PTPN2: variants seen among roughly 807,000 people sequenced by gnomAD.
PTPN2 encodes tyrosine-protein phosphatase non-receptor type 2.
In PTPN2, 19 loss-of-function variants were observed where a neutral mutation model predicts 57.3. The ratio of observed to expected loss-of-function variants is 0.33; its 90% CI spans 0.23 to 0.49. The LOEUF (loss-of-function observed/expected upper bound fraction) is 0.49. PTPN2 is among the 20% of genes least tolerant of loss of function. PTPN2 has a pLI of 0.99. For synonymous variants in PTPN2, 153 were observed against 164.9 expected (o/e 0.93, Z 0.55); for missense variants, 358 against 501.1 (o/e 0.71, Z 2.73).
intron 2 of PTPN2, among the ~76,000 whole-genome samples, chr18:12,846,038 T>C (rs569203376): frequency 6.6e-6 from 1 of 152,350 alleles, no homozygotes; most frequent in South Asian, 2.1e-4. Flanking sequence ...TGTTTTATAG[T>C]GTTCCTCCAT....
At chr18:12,785,828 T>C (rs139640261) in exon 10 of PTPN2, 179 of 1,610,524 alleles carry the variant, frequency 1.1e-4, no homozygotes, top group Non-Finnish European at 1.5e-4. Context: ...GAATATTAGG[T>C]GTCTGTCAAT....
chr18:12,845,167 G>A (rs1406175734), intron 2 of PTPN2, among the ~76,000 whole-genome samples: 1 of 151,998 alleles, frequency 6.6e-6, no homozygotes, highest in Non-Finnish European at 1.5e-5. Flanking sequence ...AAAAGAATAA[G>A]CTTGTTTTTA....
rs1302230402 is a variant in PTPN2, at chr18:12,884,219, C to G, written c.-78G>C. On this transcript the variant is annotated 5_prime_UTR_variant, in exon 1 of 9. Transcript: ENST00000309660. ...GGCCCCGCACGATCCGGGGAGAGCG[C>G]TGGCGCTGCGGCGCATGCGCGCTGC... 8 of 1,191,268 alleles carry G rather than the reference C, an allele frequency of 6.7e-6. No homozygotes were observed. The East Asian group carries it at 1.6e-4, about 23-fold the overall frequency. The allele number at this position is 1,191,268 out of a possible 1,614,324, so 73.8% of individuals were successfully genotyped here.
intron 7 of PTPN2, among the ~76,000 whole-genome samples, chr18:12,804,476 T>C (rs1224731003): frequency 6.6e-6 from 1 of 151,634 alleles, no homozygotes; most frequent in African/African-American, 2.4e-5. Flanking sequence ...GGATCATTTT[T>C]TTGAAAAGGC....
In PTPN2 at chr18:12,793,370, T is replaced by A. The variant is rs1245528181; in HGVS notation, c.*908A>T. 2 of 978,512 alleles carry A rather than the reference T, an allele frequency of 2.0e-6. No individual in the cohort carries two copies. Among genetic ancestry groups the A allele is most frequent in the Non-Finnish European group, 2.4e-6 (2 of 823,236 alleles). 60.6% of individuals were successfully genotyped at this position (978,512 alleles called of 1,614,324 possible). On this transcript the variant is annotated 3_prime_UTR_variant, in exon 9 of 9. Coordinates refer to ENST00000309660, the MANE Select transcript of PTPN2 (RefSeq NM_002828.4). ...TAAAATGCTGCTTCTTACTTTTGCT[T>A]CCTAAATCATAATCTACCCCAACTA...
intron 9 of PTPN2, chr18:12,786,220 A>C: frequency 3.9e-6 from 1 of 258,698 alleles, no homozygotes; most frequent in South Asian, 5.1e-5. Flanking sequence ...ACTTTATACT[A>C]TGTGCTAGAC....
chr18:12,874,317 C>A (rs866191811), intron 1 of PTPN2, among the ~76,000 whole-genome samples: 1 of 136,314 alleles, frequency 7.3e-6, no homozygotes, highest in Non-Finnish European at 1.6e-5. Context: ...GTCAGCCCCC[C>A]GCTTGGCCAG....
intron 1 of PTPN2, chr18:12,880,459 G>A (rs538078968): frequency 2.0e-5 from 3 of 152,170 alleles, no homozygotes; most frequent in African/African-American, 7.2e-5. Flanking sequence ...CTTCTAAAAA[G>A]AGCAGTGTAC....
intron 8 of PTPN2, among the ~76,000 whole-genome samples, chr18:12,798,063 G>A (rs145965876): frequency 6.6e-6 from 1 of 152,236 alleles, no homozygotes; most frequent in Non-Finnish European, 1.5e-5. Flanking sequence ...CTCACTCTCA[G>A]TGATCTGGGT....
intron 2 of PTPN2, among the ~76,000 whole-genome samples, chr18:12,846,493 C>G (rs573204968): frequency 6.6e-6 from 1 of 152,290 alleles, no homozygotes; most frequent in African/African-American, 2.4e-5. Flanking sequence ...TTTTCATGCT[C>G]AGATTATCCC....
At chr18:12,832,554 A>G (rs749949508) in intron 3 of PTPN2, among the ~76,000 whole-genome samples, 2 of 152,240 alleles carry the variant, frequency 1.3e-5, no homozygotes, top group African/African-American at 4.8e-5. Context: ...CTACAACCTA[A>G]TATTTGAGAG....
chr18:12,875,274 T>C (rs1419159342), intron 1 of PTPN2, among the ~76,000 whole-genome samples: 27 of 149,220 alleles, frequency 1.8e-4, no homozygotes, highest in African/African-American at 6.0e-4. Flanking sequence ...GCCAAATCCC[T>C]CTCTGTGAGA....
At chr18:12,819,363 AT>A in intron 5 of PTPN2, 1 of 669,420 alleles carries the variant, frequency 1.5e-6, no homozygotes. Flanking sequence ...TTTTAAATTA[AT>A]TATGGTAAGT....
Position 12,793,985 on chromosome 18 carries a change from G to C in PTPN2, c.*293C>G, listed in dbSNP as rs2041067589. Reference sequence around the variant, plus strand: ...TGTGATAAAGGATATCTCAATGTTGGTCAGGTGAAATACTGTGTTTGACAT... The same window carrying C: ...TGTGATAAAGGATATCTCAATGTTGCTCAGGTGAAATACTGTGTTTGACAT... On this transcript the variant is annotated 3_prime_UTR_variant, in exon 9 of 9. Transcript: ENST00000309660. 8.1e-7 allele frequency: 1 copy of C among 1,231,712 alleles called. No individual in the cohort carries two copies. The highest frequency in any genetic ancestry group is 1.5e-5 in the African/African-American group (1 of 65,560). 76.3% of individuals were successfully genotyped at this position (1,231,712 alleles called of 1,614,324 possible).
At chr18:12,811,666 G>A (rs900121347) in intron 7 of PTPN2, among the ~76,000 whole-genome samples, 1 of 152,106 alleles carries the variant, frequency 6.6e-6, no homozygotes, top group Non-Finnish European at 1.5e-5. Context: ...GCCTATATAG[G>A]TTCAGCAAAC....
intron 3 of PTPN2, among the ~76,000 whole-genome samples, chr18:12,833,125 C>T (rs1468927959): frequency 6.6e-6 from 1 of 152,152 alleles, no homozygotes; most frequent in Non-Finnish European, 1.5e-5. Context: ...AGATTCACAT[C>T]TCAGCTCTTC....
chr18:12,788,929 A>G (rs1041114807), downstream of PTPN2, among the ~76,000 whole-genome samples: 1 of 152,182 alleles, frequency 6.6e-6, no homozygotes, highest in African/African-American at 2.4e-5. Context: ...TTTTCCTAGA[A>G]GTTCTTACTT....
At chr18:12,824,762 AG>A (rs1429980204) in intron 5 of PTPN2, among the ~76,000 whole-genome samples, 8 of 152,160 alleles carry the variant, frequency 5.3e-5, no homozygotes, top group Non-Finnish European at 8.8e-5. Flanking sequence ...CCAAGGCCCA[AG>A]GAACAGTTCA....
rs1263280463 is a variant in PTPN2, at chr18:12,793,131, G to T, written c.*1147C>A. 7 of 984,748 alleles carry T rather than the reference G, an allele frequency of 7.1e-6. No homozygotes were observed. Among genetic ancestry groups the T allele is most frequent in the Non-Finnish European group, 7.2e-6 (6 of 829,276 alleles). 61.0% of individuals were successfully genotyped at this position (984,748 alleles called of 1,614,324 possible). On this transcript the variant is annotated 3_prime_UTR_variant, in exon 9 of 9. Coordinates refer to ENST00000309660, the MANE Select transcript of PTPN2 (RefSeq NM_002828.4). ...TAACAACAATTTCAAGTTTAAGTAA[G>T]ACAAATTAAACACTGAATGGAATGT...
Sources: allele counts gnomAD v4.1 joint callset (sites outside exome capture counted in the v4.1 genomes callset), GRCh38; gene constraint gnomAD v4.1.1; transcripts MANE v1.5; gene names NCBI Gene and HGNC (gene_info 2026-07-23, HGNC 2026-07-21).